The following LRRC4C variants were observed in gnomAD, a reference collection of about 807,000 sequenced individuals.
The protein encoded by LRRC4C is leucine-rich repeat-containing protein 4C.
A neutral mutation model predicts 33.6 loss-of-function variants in LRRC4C; 5 were observed. That is an observed-to-expected ratio of 0.15 (90% CI 0.08 to 0.31). The LOEUF (loss-of-function observed/expected upper bound fraction) is 0.31. Among genes scored for constraint, LRRC4C ranks in the 10% least tolerant of loss-of-function variants. The probability of loss-of-function intolerance (pLI) is 1.00; values close to 1 mark genes in which losing one functional copy is unlikely to be tolerated. For synonymous variants in LRRC4C, 329 were observed against 302.0 expected, an observed-to-expected ratio of 1.09 and a Z score of -0.93; for missense variants, 560 against 796.7, an observed-to-expected ratio of 0.70 and a Z score of 3.58.
chr11:40,950,180 AG>A (rs905125213), intron 1 of LRRC4C, among the ~76,000 whole-genome samples: 2 of 151,876 alleles, frequency 1.3e-5, no homozygotes, highest in African/African-American at 4.8e-5. Context: ...ACATGAAAGG[AG>A]GTAACCCCTA....
chr11:40,533,763 T>A (rs1193206346), intron 3 of LRRC4C, among the ~76,000 whole-genome samples: 2 of 152,148 alleles, frequency 1.3e-5, no homozygotes, highest in African/African-American at 4.8e-5. Flanking sequence ...CCTAGCCTTT[T>A]GATAGGTTCC....
At chr11:40,982,613 G>C (rs1245245185) in intron 1 of LRRC4C, among the ~76,000 whole-genome samples, 2 of 152,030 alleles carry the variant, frequency 1.3e-5, no homozygotes, top group Non-Finnish European at 2.9e-5. Flanking sequence ...ACCACCCTTT[G>C]AATAGCAAGA....
intron 1 of LRRC4C, among the ~76,000 whole-genome samples, chr11:41,363,009 T>TGGGAG (rs1380988665): frequency 6.6e-6 from 1 of 152,206 alleles, no homozygotes; most frequent in African/African-American, 2.4e-5. Context: ...CAGATATCTA[T>TGGGAG]GGGAGCCATT....
At chr11:41,317,701 C>G (rs1347308820) in intron 1 of LRRC4C, among the ~76,000 whole-genome samples, 1 of 152,050 alleles carries the variant, frequency 6.6e-6, no homozygotes, top group Non-Finnish European at 1.5e-5. Flanking sequence ...GAAGGAAGGA[C>G]AAGACTAAGT....
At chr11:40,778,387 T>C (rs1273610294) in intron 2 of LRRC4C, among the ~76,000 whole-genome samples, 1 of 152,242 alleles carries the variant, frequency 6.6e-6, no homozygotes, top group Non-Finnish European at 1.5e-5. Context: ...TTCGATGCTA[T>C]CTTTAATATC....
intron 1 of LRRC4C, among the ~76,000 whole-genome samples, chr11:41,410,763 A>G (rs964476151): frequency 4.6e-5 from 7 of 152,082 alleles, no homozygotes; most frequent in Admixed American, 4.6e-4. Flanking sequence ...TTATGGAACA[A>G]CACCCGTTAA....
At position 40,176,930 on chromosome 11, in the gene LRRC4C, CT is replaced by C. The variant is rs36015905; in HGVS notation, c.-95-36078del. Among the ~76,000 whole-genome samples the C allele has an allele frequency of 6.4e-3, 530 of 82,624 alleles. 1 individual carries two copies. The highest frequency in any genetic ancestry group is 9.0e-3 in the South Asian group (21 of 2,332). 54.2% of individuals were successfully genotyped at this position (82,624 alleles called of 152,430 possible). On this transcript the variant is annotated intron_variant, in intron 5 of 6. Coordinates refer to ENST00000528697, the MANE Select transcript of LRRC4C (RefSeq NM_001258419.2). The stretch of plus-strand genomic sequence containing the variant: ...GTTTCTACTTTTGTTCTGCCAGAGT[CT>C]TTTTTTTTTTTTTTTTTTTTGAGAT...
chr11:41,353,871 G>A (rs113449717), intron 1 of LRRC4C, among the ~76,000 whole-genome samples: 38 of 151,988 alleles, frequency 2.5e-4, no homozygotes, highest in African/African-American at 8.9e-4. Flanking sequence ...TCGAAGGAAT[G>A]TACCACAAAA....
chr11:41,149,429 C>T (rs1299458997), intron 1 of LRRC4C, among the ~76,000 whole-genome samples: 1 of 146,252 alleles, frequency 6.8e-6, no homozygotes, highest in Non-Finnish European at 1.5e-5. Flanking sequence ...ATGGCGTGAA[C>T]AACCCGGGAG....
At chr11:40,902,768 C>T (rs1015572729) in intron 2 of LRRC4C, among the ~76,000 whole-genome samples, 3 of 152,106 alleles carry the variant, frequency 2.0e-5, no homozygotes, top group Admixed American at 1.3e-4. Context: ...CTAACCCATA[C>T]CTAGGCTCTA....
chr11:41,171,199 T>C (rs2136095726), intron 1 of LRRC4C, among the ~76,000 whole-genome samples: 1 of 152,216 alleles, frequency 6.6e-6, no homozygotes, highest in Middle Eastern at 3.4e-3. Context: ...AGTGTGGCGA[T>C]TCCTCAGGGA....
intron 4 of LRRC4C, among the ~76,000 whole-genome samples, chr11:40,252,239 AACTC>A (rs1396370791): frequency 1.4e-4 from 22 of 151,982 alleles, no homozygotes; most frequent in African/African-American, 5.1e-4. Context: ...ACACTCACCT[AACTC>A]ACACACACCA....
chr11:41,100,792 C>T (rs1397510948), intron 1 of LRRC4C, among the ~76,000 whole-genome samples: 2 of 152,092 alleles, frequency 1.3e-5, no homozygotes, highest in East Asian at 3.9e-4. Flanking sequence ...CTTTAAACTA[C>T]ACTACAGGGC....
chr11:40,215,346 G>C (rs1239913031), intron 5 of LRRC4C, among the ~76,000 whole-genome samples: 3 of 152,210 alleles, frequency 2.0e-5, no homozygotes, highest in African/African-American at 7.2e-5. Flanking sequence ...ACGCTGTTCA[G>C]TGCTCTCCAC....
chr11:40,572,651 G>A (rs970009832), intron 3 of LRRC4C, among the ~76,000 whole-genome samples: 1 of 152,122 alleles, frequency 6.6e-6, no homozygotes, highest in African/African-American at 2.4e-5. Flanking sequence ...TCCTGGCTAT[G>A]TAAATTGGGA....
At chr11:41,035,029 G>A (rs1478500186) in intron 1 of LRRC4C, among the ~76,000 whole-genome samples, 2 of 148,794 alleles carry the variant, frequency 1.3e-5, no homozygotes, top group Non-Finnish European at 3.0e-5. Context: ...AAGTTCCAGG[G>A]TACATGTGCA....
intron 3 of LRRC4C, among the ~76,000 whole-genome samples, chr11:40,605,735 TG>T (rs1960511985): frequency 6.6e-6 from 1 of 152,136 alleles, no homozygotes; most frequent in Non-Finnish European, 1.5e-5. Flanking sequence ...GGCACCAGCT[TG>T]GGGATCATCA....
intron 3 of LRRC4C, among the ~76,000 whole-genome samples, chr11:40,465,965 C>G (rs1161435093): frequency 6.6e-6 from 1 of 151,990 alleles, no homozygotes; most frequent in African/African-American, 2.4e-5. Context: ...GATACTTGCA[C>G]TTACATGTTT....
chr11:40,717,198 T>C (rs1284416716), intron 2 of LRRC4C, among the ~76,000 whole-genome samples: 1 of 152,166 alleles, frequency 6.6e-6, no homozygotes, highest in East Asian at 1.9e-4. Flanking sequence ...CTGAATGGTT[T>C]ACTAATCATA....
Sources: allele counts gnomAD v4.1 joint callset (sites outside exome capture counted in the v4.1 genomes callset), GRCh38; gene constraint gnomAD v4.1.1; transcripts MANE v1.5; gene names NCBI Gene and HGNC (gene_info 2026-07-23, HGNC 2026-07-21).